Variants in VRK1 observed in about 807,000 individuals in gnomAD.
VRK1 encodes the protein VRK serine/threonine kinase 1, also known as serine/threonine-protein kinase VRK1.
In VRK1, 33 loss-of-function variants were observed where a neutral mutation model predicts 57.1. The observed-to-expected ratio is 0.58, with a 90% CI of 0.44 to 0.77. VRK1 has a LOEUF of 0.77. VRK1 is among the 30% of genes least tolerant of loss of function. The pLI is 0.00. For synonymous variants in VRK1, 137 were observed against 147.8 expected, an observed-to-expected ratio of 0.93 and a Z score of 0.53; for missense variants, 413 against 477.3, an observed-to-expected ratio of 0.87 and a Z score of 1.25.
At chr14:96,857,862 C>G (rs1284251437) in intron 10 of VRK1, among the ~76,000 whole-genome samples, 1 of 152,180 alleles carries the variant, frequency 6.6e-6, no homozygotes, top group Admixed American at 6.5e-5. Flanking sequence ...GCCTCTCCCT[C>G]CTGGCCGAAT....
intron 1 of VRK1, among the ~76,000 whole-genome samples, chr14:96,821,632 A>T (rs1425828949): frequency 1.3e-5 from 2 of 152,142 alleles, no homozygotes; most frequent in African/African-American, 4.8e-5. Context: ...GCCCCCTTAC[A>T]GTCTATTCTT....
At chr14:96,799,164 A>G (rs1885557410) in intron 1 of VRK1, among the ~76,000 whole-genome samples, 1 of 152,240 alleles carries the variant, frequency 6.6e-6, no homozygotes, top group Admixed American at 6.5e-5. Flanking sequence ...TTAAGCATAG[A>G]GCCTGGCATA....
In VRK1 at chr14:96,881,220, T is replaced by C; in HGVS notation, c.*12T>C. 1 of 1,599,638 alleles carries C rather than the reference T, an allele frequency of 6.3e-7. No individual in the cohort carries two copies. Among genetic ancestry groups the C allele is most frequent in the African/African-American group, 1.3e-5 (1 of 74,832 alleles). On this transcript the variant is annotated 3_prime_UTR_variant, in exon 13 of 13. Transcript: ENST00000216639. ...GAGTCCAGAAGTAATTCAGATGCTG[T>C]GAACCAGATTTCCTTTTCTTTGTTT...
chr14:96,803,228 A>G (rs111308457), intron 1 of VRK1, among the ~76,000 whole-genome samples: 7,075 of 149,416 alleles, frequency 0.047, 189 homozygotes, highest in Non-Finnish European at 0.063. Context: ...CTGGAGTGCA[A>G]TGGTGTGATC....
intron 1 of VRK1, among the ~76,000 whole-genome samples, chr14:96,802,860 C>A (rs12894533): frequency 0.39 from 59,167 of 152,024 alleles, 12,062 homozygotes; most frequent in Non-Finnish European, 0.45. Flanking sequence ...TTGGTGATTG[C>A]AGGTAAAGCT....
At chr14:96,813,981 T>C (rs1886300959) in intron 1 of VRK1, among the ~76,000 whole-genome samples, 1 of 152,170 alleles carries the variant, frequency 6.6e-6, no homozygotes, top group Non-Finnish European at 1.5e-5. Context: ...GAATTAGAGA[T>C]AATGTGTTTA....
At chr14:96,839,747 A>T (rs575613715) in intron 3 of VRK1, among the ~76,000 whole-genome samples, 1 of 152,028 alleles carries the variant, frequency 6.6e-6, no homozygotes, top group Non-Finnish European at 1.5e-5. Flanking sequence ...ATAGTAAGAG[A>T]GTTTTTTTCT....
intron 5 of VRK1, among the ~76,000 whole-genome samples, chr14:96,848,414 C>T (rs1037757945): frequency 2.2e-4 from 33 of 152,112 alleles, no homozygotes; most frequent in Non-Finnish European, 4.7e-4. Flanking sequence ...TCACAGCGAT[C>T]CATGTGGAAA....
At chr14:96,816,109 C>T (rs1166729365) in intron 1 of VRK1, among the ~76,000 whole-genome samples, 2 of 152,066 alleles carry the variant, frequency 1.3e-5, no homozygotes, top group African/African-American at 4.8e-5. Flanking sequence ...AGGGTTGTAT[C>T]AGGAAACAGT....
In VRK1 at chr14:96,852,853, C is replaced by T. The variant is rs387906830; in HGVS notation, c.397C>T (p.Arg133Cys). 4.3e-6 allele frequency: 7 copies of T among 1,613,592 alleles called. No individual in the cohort carries two copies. In the East Asian group the frequency reaches 8.9e-5, roughly 21 times the overall value. The change falls in exon 6 of 13, where the codon CGC becomes TGC. Residue 133 changes from arginine (R) to cysteine (C), a missense_variant. This residue lies in a region of VRK1 where 151 missense variants were observed against 225.5 expected (regional missense o/e 0.67). Coordinates refer to ENST00000216639, the MANE Select transcript of VRK1 (RefSeq NM_003384.3). ...CAGTTACAGGTTTATGATAATGGAT[C>T]GCTTTGGGAGTGACCTTCAGAAAAT... is the stretch of plus-strand genomic sequence containing the variant. Reference protein sequence around the residue: ...GKSYRFMIMDRFGSDLQKIYE... With the variant: ...GKSYRFMIMDCFGSDLQKIYE...
At chr14:96,819,779 C>T (rs957596733) in intron 1 of VRK1, among the ~76,000 whole-genome samples, 14 of 152,096 alleles carry the variant, frequency 9.2e-5, no homozygotes, top group African/African-American at 2.7e-4. Context: ...AAGTGGTAGT[C>T]GGCTGGTGAG....
intron 2 of VRK1, among the ~76,000 whole-genome samples, chr14:96,836,876 A>G (rs764707643): frequency 1.3e-5 from 2 of 152,042 alleles, no homozygotes; most frequent in Non-Finnish European, 2.9e-5. Flanking sequence ...CTTCACTAAG[A>G]TACATACATG....
chr14:96,798,551 TTG>T (rs1008376663), intron 1 of VRK1, among the ~76,000 whole-genome samples: 16 of 152,372 alleles, frequency 1.1e-4, no homozygotes, highest in Middle Eastern at 3.4e-3. Flanking sequence ...TCATTAATTA[TTG>T]TGTGTGTGTT....
intron 5 of VRK1, among the ~76,000 whole-genome samples, chr14:96,851,933 T>C (rs1021265379): frequency 2.1e-4 from 32 of 152,260 alleles, no homozygotes; most frequent in South Asian, 2.1e-4. Flanking sequence ...ATCTTCCTCA[T>C]TGGAGATGTC....
chr14:96,846,231 C>CTAGAG, intron 4 of VRK1, 67 bp downstream of exon 4: 2 of 1,426,962 alleles, frequency 1.4e-6, no homozygotes, highest in South Asian at 1.2e-5. Context: ...AAGCCAAGAC[C>CTAGAG]TAGAGCATTG....
At chr14:96,822,568 A>G (rs1886644623) in intron 1 of VRK1, among the ~76,000 whole-genome samples, 1 of 152,220 alleles carries the variant, frequency 6.6e-6, no homozygotes, top group African/African-American at 2.4e-5. Flanking sequence ...AGAAGCACTT[A>G]ACATTTTGGA....
chr14:96,806,527 A>G (rs1431017845), intron 1 of VRK1, among the ~76,000 whole-genome samples: 3 of 152,220 alleles, frequency 2.0e-5, no homozygotes, highest in Admixed American at 1.3e-4. Context: ...GGACAGTGAC[A>G]TATAAAATTG....
intron 8 of VRK1, 87 bp downstream of exon 8, chr14:96,855,443 G>T: frequency 1.3e-6 from 2 of 1,595,352 alleles, no homozygotes; most frequent in Admixed American, 1.7e-5. Context: ...ATAAGTAAAT[G>T]AATAGATAAA....
intron 1 of VRK1, among the ~76,000 whole-genome samples, chr14:96,810,110 A>G (rs761753126): frequency 1.2e-4 from 19 of 152,120 alleles, no homozygotes; most frequent in Non-Finnish European, 4.4e-5. Flanking sequence ...CTTGTTGGCC[A>G]TTTGGATACC....
Sources: allele counts gnomAD v4.1 joint callset (sites outside exome capture counted in the v4.1 genomes callset), GRCh38; gene constraint gnomAD v4.1.1; regional missense constraint gnomAD v4.1.1; transcripts MANE v1.5; gene names NCBI Gene and HGNC (gene_info 2026-07-23, HGNC 2026-07-21).